The following TMEM132D variants were observed in gnomAD, a reference collection of about 807,000 sequenced individuals.
TMEM132D encodes mature OL transmembrane protein.
A neutral mutation model predicts 62.3 loss-of-function variants in TMEM132D; 21 were observed. That is an observed-to-expected ratio of 0.34 (90% CI 0.24 to 0.49). The LOEUF is 0.49. TMEM132D is among the 20% of genes least tolerant of loss of function. TMEM132D has a pLI of 0.99. For synonymous variants in TMEM132D, 621 were observed against 575.6 expected, an observed-to-expected ratio of 1.08 and a Z score of -1.13; for missense variants, 1,346 against 1,402.8, an observed-to-expected ratio of 0.96 and a Z score of 0.65.
In TMEM132D at chr12:129,244,406, A is replaced by AAAAAC. The variant is rs1555240904; in HGVS notation, c.1300-34744_1300-34743insGTTTT. Among the ~76,000 whole-genome samples, 413 of 146,132 alleles carry AAAAAC rather than the reference A, an allele frequency of 2.8e-3. 4 individuals carry two copies. The highest frequency in any genetic ancestry group is 9.9e-3 in the African/African-American group (390 of 39,484). On this transcript the variant is annotated intron_variant, in intron 4 of 8. Transcript: ENST00000422113. ...GTCTCAAAAAAAAAAAAAAAAAAAA[A>AAAAAC]AAACAAACAAAAAGGAACAAGGTCT...
chr12:129,207,411 T>G (rs1467008738), intron 5 of TMEM132D, among the ~76,000 whole-genome samples: 2 of 152,230 alleles, frequency 1.3e-5, no homozygotes, highest in African/African-American at 2.4e-5. Flanking sequence ...ACGTATGCTA[T>G]GTATGACATA....
intron 3 of TMEM132D, among the ~76,000 whole-genome samples, chr12:129,435,123 T>C (rs886078115): frequency 6.6e-6 from 1 of 152,204 alleles, no homozygotes; most frequent in Admixed American, 6.5e-5. Context: ...TCTAGGTTTT[T>C]CCATGTTGCA....
intron 3 of TMEM132D, among the ~76,000 whole-genome samples, chr12:129,524,995 G>T (rs1266329411): frequency 1.1e-4 from 13 of 117,314 alleles, no homozygotes; most frequent in African/African-American, 4.4e-4. Flanking sequence ...GCGCGATCTT[G>T]GCTCACTGCA....
intron 8 of TMEM132D, among the ~76,000 whole-genome samples, chr12:129,076,314 C>A (rs1874255194): frequency 1.3e-5 from 2 of 152,220 alleles, no homozygotes; most frequent in South Asian, 4.1e-4. Flanking sequence ...TGCTGACCTT[C>A]CCTTTCCTCC....
chr12:129,237,287 T>C (rs1292472121), intron 4 of TMEM132D, among the ~76,000 whole-genome samples: 1 of 152,104 alleles, frequency 6.6e-6, no homozygotes, highest in African/African-American at 2.4e-5. Context: ...CCTGAAGCAA[T>C]ATATATACAA....
rs142355603 is a variant in TMEM132D at position 129,428,955 on chromosome 12, C to A, written c.1116-91138G>T. Among the ~76,000 whole-genome samples, 16 of 152,320 alleles carry A rather than the reference C, an allele frequency of 1.1e-4. No homozygotes were observed. In the South Asian group the frequency reaches 1.2e-3, roughly 12 times the overall value. On this transcript the variant is annotated intron_variant, in intron 3 of 8. Coordinates refer to ENST00000422113, the MANE Select transcript of TMEM132D (RefSeq NM_133448.3). Reference sequence around the variant, plus strand: ...AAGTGTGAATTTTGCCACTTAGTTGCACTAAGCAGTTTATACTCACTGTAG... The same window carrying A: ...AAGTGTGAATTTTGCCACTTAGTTGAACTAAGCAGTTTATACTCACTGTAG...
intron 4 of TMEM132D, among the ~76,000 whole-genome samples, chr12:129,213,199 A>G (rs1879104625): frequency 6.6e-6 from 1 of 152,168 alleles, no homozygotes; most frequent in Non-Finnish European, 1.5e-5. Flanking sequence ...GTATTGCTAT[A>G]AAGAAATACC....
At chr12:129,390,081 G>C (rs548580662) in intron 3 of TMEM132D, among the ~76,000 whole-genome samples, 1 of 152,276 alleles carries the variant, frequency 6.6e-6, no homozygotes, top group African/African-American at 2.4e-5. Context: ...TGTGTGACAG[G>C]GATTGTCGCT....
At chr12:129,714,735 T>C (rs1868509246) in intron 1 of TMEM132D, among the ~76,000 whole-genome samples, 1 of 152,146 alleles carries the variant, frequency 6.6e-6, no homozygotes, top group African/African-American at 2.4e-5. Flanking sequence ...ACTCAATAAA[T>C]CCGGGAAAGA....
At chr12:129,604,185 G>T (rs982378733) in intron 2 of TMEM132D, among the ~76,000 whole-genome samples, 2 of 152,156 alleles carry the variant, frequency 1.3e-5, no homozygotes, top group Non-Finnish European at 2.9e-5. Flanking sequence ...GGGTAAGGGG[G>T]AAGGAGAGCA....
chr12:129,461,601 C>G (rs1873674265), intron 3 of TMEM132D, among the ~76,000 whole-genome samples: 1 of 152,082 alleles, frequency 6.6e-6, no homozygotes, highest in African/African-American at 2.4e-5. Context: ...TCACATCAAA[C>G]TGGAAGACTA....
chr12:129,564,128 T>C (rs1877308696), intron 2 of TMEM132D, among the ~76,000 whole-genome samples: 4 of 152,182 alleles, frequency 2.6e-5, no homozygotes, highest in Admixed American at 2.6e-4. Flanking sequence ...CTAGCTGACC[T>C]GCCTAGGTAA....
intron 1 of TMEM132D, among the ~76,000 whole-genome samples, chr12:129,880,377 C>G (rs1393034292): frequency 2.6e-5 from 4 of 152,104 alleles, no homozygotes; most frequent in Admixed American, 6.5e-5. Flanking sequence ...AGTCTTCAGA[C>G]AGAAAGACTG....
intron 2 of TMEM132D, among the ~76,000 whole-genome samples, chr12:129,638,365 G>A (rs1016271937): frequency 6.6e-6 from 1 of 151,692 alleles, no homozygotes; most frequent in South Asian, 2.1e-4. Context: ...CATTCTTCTA[G>A]GTTCAGCTCA....
At chr12:129,161,640 G>T (rs1207049851) in intron 5 of TMEM132D, among the ~76,000 whole-genome samples, 1 of 152,306 alleles carries the variant, frequency 6.6e-6, no homozygotes, top group East Asian at 1.9e-4. Context: ...GCTGGACAGA[G>T]ATTAAGTTGG....
At chr12:129,553,314 G>A (rs1876953630) in intron 2 of TMEM132D, among the ~76,000 whole-genome samples, 3 of 152,302 alleles carry the variant, frequency 2.0e-5, no homozygotes, top group South Asian at 4.1e-4. Context: ...TGCTGCTGCT[G>A]TCAGGCTCGC....
chr12:129,109,259 G>T (rs1440797010), intron 5 of TMEM132D, among the ~76,000 whole-genome samples: 5 of 152,214 alleles, frequency 3.3e-5, no homozygotes, highest in African/African-American at 9.7e-5. Context: ...GGATCTGGAT[G>T]TCCTGGGTTA....
At chr12:129,392,884 G>C (rs187642595) in intron 3 of TMEM132D, among the ~76,000 whole-genome samples, 19 of 149,264 alleles carry the variant, frequency 1.3e-4, no homozygotes, top group African/African-American at 4.4e-4. Flanking sequence ...GAAAATAAAA[G>C]ACAAGACCCA....
intron 3 of TMEM132D, among the ~76,000 whole-genome samples, chr12:129,514,617 C>T (rs1875619183): frequency 6.6e-6 from 1 of 152,090 alleles, no homozygotes; most frequent in Admixed American, 6.5e-5. Context: ...TTCATTCATC[C>T]CGAACATTCA....
Sources: gnomAD v4.1 joint callset for allele counts (sites outside exome capture counted in the v4.1 genomes callset) on GRCh38, gnomAD v4.1.1 for gene constraint, MANE v1.5 for transcripts, NCBI Gene and HGNC (gene_info 2026-07-23, HGNC 2026-07-21) for gene names.